The following TNR variants were observed in gnomAD, a reference collection of about 807,000 sequenced individuals.
The protein encoded by TNR is tenascin R.
Under a neutral mutation model 150.4 loss-of-function variants are expected in TNR, and 45 were observed. The ratio of observed to expected loss-of-function variants is 0.30; its 90% confidence interval spans 0.24 to 0.38. The LOEUF is 0.38. Among genes scored for constraint, TNR ranks in the 10% least tolerant of loss-of-function variants. TNR has a pLI of 1.00. For missense variants in TNR, 1,544 were observed against 1,759.1 expected, an observed-to-expected ratio of 0.88 and a Z score of 2.19; for synonymous variants, 687 against 678.4, an observed-to-expected ratio of 1.01 and a Z score of -0.20.
At chr1:175,410,937 C>T (rs184717649) in intron 2 of TNR, among the ~76,000 whole-genome samples, 65 of 152,292 alleles carry the variant, frequency 4.3e-4, no homozygotes, top group South Asian at 4.1e-4. Flanking sequence ...GGGGATAATA[C>T]CAAACTTGAC....
At chr1:175,440,694 TC>T (rs1309757692) in intron 2 of TNR, among the ~76,000 whole-genome samples, 1 of 151,866 alleles carries the variant, frequency 6.6e-6, no homozygotes, top group Admixed American at 6.6e-5. Flanking sequence ...TGTTTCAGTG[TC>T]GGGGGAGGAT....
chr1:175,444,695 C>T (rs1655955158), intron 2 of TNR, among the ~76,000 whole-genome samples: 1 of 152,172 alleles, frequency 6.6e-6, no homozygotes, highest in Non-Finnish European at 1.5e-5. Flanking sequence ...AGAGGCCTAG[C>T]ATGTAAAGCC....
chr1:175,742,760 A>T (rs1487036056), intron 1 of TNR, among the ~76,000 whole-genome samples: 4 of 151,796 alleles, frequency 2.6e-5, no homozygotes, highest in Admixed American at 2.6e-4. Context: ...GTAACTTTTA[A>T]CTCTACCTCC....
intron 2 of TNR, among the ~76,000 whole-genome samples, chr1:175,437,968 A>G (rs1655591353): frequency 6.6e-6 from 1 of 152,228 alleles, no homozygotes; most frequent in African/African-American, 2.4e-5. Context: ...AGCTGGTACC[A>G]TTCCTTCTGA....
chr1:175,351,092 A>C (rs1158680536), intron 18 of TNR, among the ~76,000 whole-genome samples: 6 of 152,242 alleles, frequency 3.9e-5, no homozygotes, highest in Non-Finnish European at 5.9e-5. Context: ...AGTGTTTCTC[A>C]GACTTCTTGC....
rs148710947 is a variant in TNR, at chr1:175,379,179, CAAAAAAAA to C, written c.1963+365_1963+372del. ...GGGCAATAAGAGTGAAACTCCGTCT[CAAAAAAAA>C]AAAAAAAAAAAAAAGTCACTGGAGG... is the stretch of plus-strand genomic sequence containing the variant. On this transcript the variant is annotated intron_variant, in intron 9 of 22. Transcript: ENST00000367674. Among the ~76,000 whole-genome samples the C allele has an allele frequency of 8.5e-4, 98 of 114,754 alleles. 1 individual carries two copies. The highest frequency in any genetic ancestry group is 6.6e-3 in the East Asian group (27 of 4,088). 75.3% of individuals were successfully genotyped at this position (114,754 alleles called of 152,430 possible).
At chr1:175,332,628 C>G (rs989119238) in intron 20 of TNR, among the ~76,000 whole-genome samples, 1 of 152,194 alleles carries the variant, frequency 6.6e-6, no homozygotes, top group Non-Finnish European at 1.5e-5. Context: ...TACTGTGCCT[C>G]TATTCAACCC....
chr1:175,492,612 A>G (rs1658306184), intron 2 of TNR, among the ~76,000 whole-genome samples: 2 of 152,124 alleles, frequency 1.3e-5, no homozygotes, highest in South Asian at 4.1e-4. Context: ...GGGGCCTGAG[A>G]GAGTTTGGAG....
At chr1:175,574,428 A>C (rs965107238) in intron 1 of TNR, among the ~76,000 whole-genome samples, 6 of 152,200 alleles carry the variant, frequency 3.9e-5, no homozygotes, top group African/African-American at 1.4e-4. Context: ...TGGGAGTAGG[A>C]GTCAAAGAAT....
intron 1 of TNR, among the ~76,000 whole-genome samples, chr1:175,654,807 C>T (rs1352292401): frequency 6.6e-6 from 1 of 150,892 alleles, no homozygotes; most frequent in Non-Finnish European, 1.5e-5. Context: ...CAAGCTCCAC[C>T]TCCTGGGTTC....
At chr1:175,661,441 G>A (rs1470982435) in intron 1 of TNR, among the ~76,000 whole-genome samples, 2 of 152,162 alleles carry the variant, frequency 1.3e-5, no homozygotes, top group East Asian at 3.9e-4. Flanking sequence ...CCGTGGAGGA[G>A]CACTTCTGGC....
intron 1 of TNR, among the ~76,000 whole-genome samples, chr1:175,596,235 C>T (rs750759448): frequency 4.6e-5 from 7 of 152,156 alleles, no homozygotes; most frequent in Non-Finnish European, 7.3e-5. Flanking sequence ...TGACTTCCCT[C>T]GAAAGATGAA....
At chr1:175,594,096 C>T (rs1662913760) in intron 1 of TNR, among the ~76,000 whole-genome samples, 1 of 152,114 alleles carries the variant, frequency 6.6e-6, no homozygotes, top group South Asian at 2.1e-4. Context: ...TGTTATCTTC[C>T]CAGAGTTCCT....
chr1:175,739,526 A>T (rs529579061), intron 1 of TNR, among the ~76,000 whole-genome samples: 1 of 152,214 alleles, frequency 6.6e-6, no homozygotes, highest in East Asian at 1.9e-4. Context: ...ACGCACACAC[A>T]CACACATTCA....
chr1:175,331,021 CTTT>C (rs1649741104), intron 20 of TNR, among the ~76,000 whole-genome samples: 1 of 63,204 alleles, frequency 1.6e-5, no homozygotes, highest in Non-Finnish European at 3.3e-5. Context: ...TTCTTTCTTT[CTTT>C]CTTTCTTTCT....
chr1:175,645,931 G>A (rs1388674738), intron 1 of TNR, among the ~76,000 whole-genome samples: 1 of 150,608 alleles, frequency 6.6e-6, no homozygotes, highest in Non-Finnish European at 1.5e-5. Flanking sequence ...GACAAAGCCG[G>A]TATTTTTTAC....
chr1:175,436,990 T>C (rs1367550673), intron 2 of TNR, among the ~76,000 whole-genome samples: 1 of 152,094 alleles, frequency 6.6e-6, no homozygotes, highest in Non-Finnish European at 1.5e-5. Context: ...TTAACAAGGA[T>C]ATCCAGGAAT....
At chr1:175,348,650 A>G (rs1367334048) in intron 18 of TNR, among the ~76,000 whole-genome samples, 1 of 152,198 alleles carries the variant, frequency 6.6e-6, no homozygotes, top group Non-Finnish European at 1.5e-5. Flanking sequence ...TTAATATACA[A>G]TGAGGCACCA....
At position 175,362,724 on chromosome 1, in the gene TNR, G is replaced by T; in HGVS notation, c.2793C>A (p.Ile931=). 1 of 1,614,166 alleles carries T rather than the reference G, an allele frequency of 6.2e-7. No homozygotes were observed. Among genetic ancestry groups the T allele is most frequent in the Non-Finnish European group, 8.5e-7 (1 of 1,180,008 alleles). Reference sequence around the variant, plus strand: ...CCCTGCCCCGCACGCTGTTGAGGCTGATTTCGTATTCGGTAGCTGGGTTCA... The same window carrying T: ...CCCTGCCCCGCACGCTGTTGAGGCTTATTTCGTATTCGGTAGCTGGGTTCA... ...TRLNPATEYE[I]SLNSVRGREE... is the part of the protein sequence containing the mutation. Residue 931 remains isoleucine (I), a synonymous_variant, in exon 14 of 23, where the codon ATC becomes ATA. Transcript: ENST00000367674.
Sources: allele counts gnomAD v4.1 joint callset (sites outside exome capture counted in the v4.1 genomes callset), GRCh38; gene constraint gnomAD v4.1.1; transcripts MANE v1.5; gene names NCBI Gene and HGNC (gene_info 2026-07-23, HGNC 2026-07-21).